The following GRWD1 variants were observed in gnomAD, a reference collection of about 807,000 sequenced individuals.
GRWD1 encodes the protein glutamate rich WD repeat containing 1, also known as glutamate-rich WD repeat-containing protein 1.
A neutral mutation model predicts 45.3 loss-of-function variants in GRWD1; 29 were observed. The ratio of observed to expected loss-of-function variants is 0.64; its 90% CI spans 0.48 to 0.87. The LOEUF is 0.87. GRWD1 is among the 40% of genes least tolerant of loss of function. The pLI, the probability that GRWD1 is intolerant of heterozygous loss-of-function variation, is 0.00. For synonymous variants in GRWD1, 262 were observed against 257.6 expected (o/e 1.02, Z -0.16); for missense variants, 592 against 618.8 (o/e 0.96, Z 0.46).
In GRWD1 at chr19:48,446,240, C is replaced by T. The variant is rs370327872; in HGVS notation, c.187+48C>T. ...GGGTCCTGAGGTGGCTGATCCCGAG[C>T]CTTTAACCTGAGAGGTGCTCGGGAA... On this transcript the variant is annotated intron_variant, in intron 1 of 6. Transcript: ENST00000253237. 6.4e-6 allele frequency: 10 copies of T among 1,574,804 alleles called. No homozygotes were observed. The African/African-American group carries it at 1.1e-4, about 17-fold the overall frequency.
rs1046319242 is a variant in GRWD1, at chr19:48,453,352, G to C, written c.*327G>C. ...CCAGAACCCAGTTTTTTGTTTGTTTGTTTGAGACGGAGTCTTGGTCTGTCG... is the reference window on the plus strand; with the variant it reads ...CCAGAACCCAGTTTTTTGTTTGTTTCTTTGAGACGGAGTCTTGGTCTGTCG... On this transcript the variant is annotated 3_prime_UTR_variant, in exon 7 of 7. Transcript: ENST00000253237. 4.2e-6 allele frequency: 1 copy of C among 239,380 alleles called. No individual in the cohort carries two copies. 14.8% of individuals were successfully genotyped at this position (239,380 alleles called of 1,614,324 possible).
chr19:48,452,616 G>C lies in GRWD1; in HGVS notation c.1024-92G>C. The C allele has an allele frequency of 8.9e-7, 1 of 1,118,868 alleles. No homozygotes were observed. The highest frequency in any genetic ancestry group is 1.3e-6 in the Non-Finnish European group (1 of 775,468). 69.3% of individuals were successfully genotyped at this position (1,118,868 alleles called of 1,614,324 possible). On this transcript the variant is annotated intron_variant, in intron 6 of 6. Coordinates refer to ENST00000253237, the MANE Select transcript of GRWD1 (RefSeq NM_031485.4). This position sits in a 1 kb window ranked among gnomAD's most constrained non-coding sequence, Gnocchi z 5.1. The stretch of plus-strand genomic sequence containing the variant: ...AGGGGTGGGGCCCTGGCTGAACCCT[G>C]AGGCTGGAGAAGGGTTGGGGCTTCT...
In GRWD1 at chr19:48,446,371, C is replaced by A. The variant is rs1215206944; in HGVS notation, c.188-14C>A. ...GTCCCGTCTTAACTCGTAAACCCCG[C>A]CTTCCATCCCCAGGCGCCCCCTGTC... On this transcript the variant is annotated splice_polypyrimidine_tract_variant and intron_variant, in intron 1 of 6. Transcript: ENST00000253237. 6.2e-7 allele frequency: 1 copy of A among 1,612,426 alleles called. No individual in the cohort carries two copies. Among genetic ancestry groups the A allele is most frequent in the South Asian group, 1.1e-5 (1 of 91,026 alleles).
Position 48,446,393 on chromosome 19 carries a change from T to C in GRWD1, c.196T>C (p.Cys66Arg), listed in dbSNP as rs1971403021. 4 of 1,613,380 alleles carry C rather than the reference T, an allele frequency of 2.5e-6. No individual in the cohort carries two copies. The highest frequency in any genetic ancestry group is 3.4e-6 in the Non-Finnish European group (4 of 1,179,442). The part of the protein sequence containing the change: ...LYHRAQTGAP[C>R]LSFDIVRDHL... ...CCGCCTTCCATCCCCAGGCGCCCCC[T>C]GTCTCAGCTTTGACATAGTCCGGGA... is the stretch of plus-strand genomic sequence containing the variant. Residue 66 changes from cysteine (C) to arginine (R), a missense_variant, in exon 2 of 7, where the codon TGT becomes CGT. By Grantham distance (180) the Cys-to-Arg change is radical (BLOSUM62 -3). Coordinates refer to ENST00000253237, the MANE Select transcript of GRWD1 (RefSeq NM_031485.4).
chr19:48,451,970 A>G (rs1971480178), intron 6 of GRWD1, among the ~76,000 whole-genome samples: 1 of 152,146 alleles, frequency 6.6e-6, no homozygotes, highest in South Asian at 2.1e-4. Flanking sequence ...CTGTAGTGAA[A>G]GTGCTGTCAT....
rs763980132 is a variant in GRWD1, at chr19:48,446,734, AG to A, written c.362del (p.Gly121AlafsTer84). 1 of 1,613,332 alleles carries A rather than the reference AG, an allele frequency of 6.2e-7. No homozygotes were observed. Among genetic ancestry groups the A allele is most frequent in the East Asian group, 2.2e-5 (1 of 44,852 alleles). ...NLHGTKPPPS[E>X]GSDEEEEEED... ...CATGGGACAAAGCCCCCACCCTCAGAGGGCAGTGATGAAGAAGAAGAGGAGG... is the reference window on the plus strand; with the variant it reads ...CATGGGACAAAGCCCCCACCCTCAGAGGCAGTGATGAAGAAGAAGAGGAGG... On this transcript the variant is annotated frameshift_variant, in exon 3 of 7. Coordinates refer to ENST00000253237, the MANE Select transcript of GRWD1 (RefSeq NM_031485.4). LOFTEE classifies it high-confidence loss of function.
At position 48,446,086 on chromosome 19, in the gene GRWD1, G is replaced by A. The variant is rs765108642; in HGVS notation, c.81G>A (p.Glu27=). 1.3e-5 allele frequency: 21 copies of A among 1,596,510 alleles called. No homozygotes were observed. In the South Asian group the frequency reaches 2.3e-4, roughly 17 times the overall value. ...MEAESGDTSS[E]GPAQVYLPGR... is the part of the protein sequence containing the mutation. ...CCGAGTCCGGCGACACAAGTTCCGA[G>A]GGCCCGGCCCAGGTCTACCTGCCCG... Residue 27 remains glutamate (E), a synonymous_variant, in exon 1 of 7, where the codon GAG becomes GAA. Coordinates refer to ENST00000253237, the MANE Select transcript of GRWD1 (RefSeq NM_031485.4).
chr19:48,446,917 C>T, intron 3 of GRWD1, 74 bp downstream of exon 3: 2 of 1,228,110 alleles, frequency 1.6e-6, no homozygotes, highest in South Asian at 3.0e-5. Context: ...CCATAACTCC[C>T]AACACCTCCT....
Position 48,450,722 on chromosome 19 carries a change from G to C in GRWD1, c.739G>C (p.Gly247Arg). Residue 247 changes from glycine (G) to arginine (R), a missense_variant, in exon 5 of 7, where the codon GGC becomes CGC. By Grantham distance (125) the Gly-to-Arg change is moderately radical (BLOSUM62 -2). Transcript: ENST00000253237. This position sits in a 1 kb window ranked among gnomAD's most constrained non-coding sequence, Gnocchi z 5.1. ...CATCCACCTCTGGACACCTACGGAC[G>C]GCGGCTCCTGGCACGTGGACCAGCG... ...KNIHLWTPTD[G>R]GSWHVDQRPF... is the part of the protein sequence containing the mutation. The C allele has an allele frequency of 6.2e-7, 1 of 1,614,034 alleles. No homozygotes were observed. Among genetic ancestry groups the C allele is most frequent in the Admixed American group, 1.7e-5 (1 of 60,026 alleles).
rs1445018630 is a variant in GRWD1 at position 48,452,407 on chromosome 19, CTT to C, written c.1024-298_1024-297del. Among the ~76,000 whole-genome samples, 2 of 152,116 alleles carry C rather than the reference CTT, an allele frequency of 1.3e-5. No homozygotes were observed. The highest frequency in any genetic ancestry group is 2.9e-5 in the Non-Finnish European group (2 of 68,008). ...GCCACCGCACCCAGCCCATGCCCTC[CTT>C]TTACAAGGAAGAAAACAGGCAGGCA... On this transcript the variant is annotated intron_variant, in intron 6 of 6. Coordinates refer to ENST00000253237, the MANE Select transcript of GRWD1 (RefSeq NM_031485.4). The surrounding 1 kb of genome is among the most constrained non-coding windows in gnomAD (Gnocchi z 5.1).
rs749920633 is a variant in GRWD1 at position 48,450,380 on chromosome 19, C to A, written c.536C>A (p.Ala179Glu). ...GAGAAGGGCCAGGTGGAGGTGTTTG[C>A]GCTGCGGCGGCTTCTGCAGGTGGTG... ...WSEKGQVEVF[A>E]LRRLLQVVEE... Residue 179 changes from alanine to glutamate, a missense_variant, in exon 4 of 7, where the codon GCG becomes GAG. Physicochemically the swap from Ala to Glu is moderately radical, Grantham distance 107 (BLOSUM62 -1). Transcript: ENST00000253237. This position sits in a 1 kb window ranked among gnomAD's most constrained non-coding sequence, Gnocchi z 5.1. The A allele has an allele frequency of 1.9e-6, 3 of 1,613,554 alleles. No individual in the cohort carries two copies. Among genetic ancestry groups the A allele is most frequent in the Middle Eastern group, 1.7e-4 (1 of 5,740 alleles).
chr19:48,446,736 G>T lies in GRWD1; in HGVS notation c.361G>T (p.Gly121Cys), dbSNP rs773308912. Residue 121 changes from glycine to cysteine, a missense_variant, in exon 3 of 7, where the codon GGC becomes TGC. Gly to Cys is a radical substitution (Grantham distance 159). Coordinates refer to ENST00000253237, the MANE Select transcript of GRWD1 (RefSeq NM_031485.4). ...TGGGACAAAGCCCCCACCCTCAGAG[G>T]GCAGTGATGAAGAAGAAGAGGAGGA... The part of the protein sequence containing the change: ...LHGTKPPPSE[G>C]SDEEEEEEDE... 5 of 1,613,336 alleles carry T rather than the reference G, an allele frequency of 3.1e-6. No individual in the cohort carries two copies. In the Admixed American group the frequency reaches 5.0e-5, roughly 16 times the overall value.
At chr19:48,446,548 C>T (rs1386692231) in intron 2 of GRWD1, 46 bp downstream of exon 2, 3 of 1,597,450 alleles carry the variant, frequency 1.9e-6, no homozygotes, top group Non-Finnish European at 2.6e-6. Flanking sequence ...AGTTTCCAGC[C>T]CCTTCCTCAG....
rs1394279350 is a variant in GRWD1 at position 48,455,764 on chromosome 19, C to CG, written c.*2744dup. The CG allele has an allele frequency of 6.6e-6, 1 of 152,260 alleles. No individual in the cohort carries two copies. The highest frequency in any genetic ancestry group is 1.5e-5 in the Non-Finnish European group (1 of 68,086). 9.4% of individuals were successfully genotyped at this position (152,260 alleles called of 1,614,324 possible). A position where few individuals can be genotyped will look rare whatever the true frequency, so the allele number is the denominator to read the frequency against. On this transcript the variant is annotated 3_prime_UTR_variant, in exon 7 of 7. Transcript: ENST00000253237. ...CCAACCAGCATTCCCCCTGGCACTG[C>CG]GGGGGCCTGGCCAGCTCATGGCGTT...
chr19:48,449,808 G>C (rs969725025), intron 3 of GRWD1, among the ~76,000 whole-genome samples: 2 of 152,086 alleles, frequency 1.3e-5, no homozygotes, highest in Non-Finnish European at 2.9e-5. Context: ...GCAACAGAGC[G>C]GGACCCTGTC....
Position 48,446,804 on chromosome 19 carries a change from G to C in GRWD1, c.429G>C (p.Leu143=). 6.2e-7 allele frequency: 1 copy of C among 1,614,002 alleles called. No homozygotes were observed. The highest frequency in any genetic ancestry group is 1.7e-5 in the Admixed American group (1 of 60,018). The part of the protein sequence containing the change: ...DEEERKPQLE[L]AMVPHYGGIN... ...AAGAGCGGAAACCTCAGCTGGAGCT[G>C]GCCATGGTGCCCCACTATGGTGGCA... Residue 143 remains leucine (L), a synonymous_variant, in exon 3 of 7, where the codon CTG becomes CTC. Coordinates refer to ENST00000253237, the MANE Select transcript of GRWD1 (RefSeq NM_031485.4).
chr19:48,456,365 T>A lies in GRWD1; in HGVS notation c.*3340T>A, dbSNP rs568679812. 6.6e-6 allele frequency: 1 copy of A among 152,436 alleles called. No individual in the cohort carries two copies. Among genetic ancestry groups the A allele is most frequent in the East Asian group, 1.9e-4 (1 of 5,188 alleles). 9.4% of individuals were successfully genotyped at this position (152,436 alleles called of 1,614,324 possible). ...ATTTCCCCTTTTTGGGAGAACAGTCTCTAACATGCAGGGTTGTCAGGGGTG... is the reference window on the plus strand; with the variant it reads ...ATTTCCCCTTTTTGGGAGAACAGTCACTAACATGCAGGGTTGTCAGGGGTG... On this transcript the variant is annotated 3_prime_UTR_variant, in exon 7 of 7. Coordinates refer to ENST00000253237, the MANE Select transcript of GRWD1 (RefSeq NM_031485.4).
intron 6 of GRWD1, among the ~76,000 whole-genome samples, chr19:48,451,613 G>A (rs541924760): frequency 2.4e-4 from 36 of 152,340 alleles, no homozygotes; most frequent in Middle Eastern, 3.4e-3. Flanking sequence ...CTCGTTGTAG[G>A]AGAAGACTGA....
chr19:48,446,098 G>T lies in GRWD1; in HGVS notation c.93G>T (p.Gln31His), dbSNP rs1178326084. ...ACACAAGTTCCGAGGGCCCGGCCCAGGTCTACCTGCCCGGCCGGGGGCCGC... is the reference window on the plus strand; with the variant it reads ...ACACAAGTTCCGAGGGCCCGGCCCATGTCTACCTGCCCGGCCGGGGGCCGC... ...SGDTSSEGPA[Q>H]VYLPGRGPPL... Residue 31 changes from glutamine to histidine, a missense_variant, in exon 1 of 7, where the codon CAG becomes CAT. By Grantham distance (24) the Gln-to-His change is conservative (BLOSUM62 0). Transcript: ENST00000253237. 1 of 1,595,650 alleles carries T rather than the reference G, an allele frequency of 6.3e-7. No homozygotes were observed. The highest frequency in any genetic ancestry group is 2.3e-5 in the East Asian group (1 of 44,230).
Sources: allele counts gnomAD v4.1 joint callset (sites outside exome capture counted in the v4.1 genomes callset), GRCh38; gene constraint gnomAD v4.1.1; non-coding constraint Gnocchi (gnomAD v3.1); transcripts MANE v1.5; gene names NCBI Gene and HGNC (gene_info 2026-07-23, HGNC 2026-07-21).